Variants in RIC1 observed in about 807,000 individuals in gnomAD.
RIC1 encodes the protein guanine nucleotide exchange factor subunit RIC1.
In RIC1, 88 loss-of-function variants were observed where a neutral mutation model predicts 169.0. That is an observed-to-expected ratio of 0.52 (90% CI 0.44 to 0.62). The LOEUF (loss-of-function observed/expected upper bound fraction) is 0.62, where lower values mean the gene tolerates loss of function less well. Ranked by LOEUF, RIC1 falls within the 20% of genes least tolerant of loss-of-function variation. The pLI is 0.00. For synonymous variants in RIC1, 790 were observed against 601.5 expected (o/e 1.31, Z -4.59); for missense variants, 1,877 against 1,725.5 (o/e 1.09, Z -1.56).
At chr9:5,635,147 C>A (rs930749060) in intron 1 of RIC1, among the ~76,000 whole-genome samples, 6 of 152,020 alleles carry the variant, frequency 3.9e-5, no homozygotes, top group Admixed American at 1.3e-4. Context: ...GCCACCATGC[C>A]TAGTTAATTT....
intron 7 of RIC1, 135 bp downstream of exon 7, chr9:5,732,614 T>C (rs185000727): frequency 5.3e-5 from 27 of 505,574 alleles, no homozygotes; most frequent in African/African-American, 4.8e-4. Context: ...TCAACCTTAA[T>C]ATGAAATGTA....
At chr9:5,638,634 A>G (rs529979900) in intron 1 of RIC1, among the ~76,000 whole-genome samples, 2 of 152,152 alleles carry the variant, frequency 1.3e-5, no homozygotes, top group African/African-American at 4.8e-5. Flanking sequence ...ATAGTTGCTC[A>G]TAGTAGTTTG....
At chr9:5,760,767 G>C (rs534026943) in intron 17 of RIC1, among the ~76,000 whole-genome samples, 14 of 152,280 alleles carry the variant, frequency 9.2e-5, no homozygotes, top group African/African-American at 3.1e-4. Flanking sequence ...TGTAGAATCT[G>C]AAAGCAGTAA....
Position 5,774,044 on chromosome 9 carries a change from C to A in RIC1, c.4070C>A (p.Ala1357Asp), listed in dbSNP as rs974353752. ...ACAGAAGAGCAGGTCCAGCCAGATG[C>A]CTTCCAACCAATAACTATGGGTAAG... is the stretch of plus-strand genomic sequence containing the variant. Reference protein sequence around the residue: ...EITEEQVQPDAFQPITMGKTP... With the variant: ...EITEEQVQPDDFQPITMGKTP... Residue 1357 changes from alanine to aspartate, a missense_variant, in exon 26 of 26, where the codon GCC (alanine) becomes GAC (aspartate). By Grantham distance (126) the Ala-to-Asp change is moderately radical. Around this residue, in one of 3 missense-constraint regions of RIC1, gnomAD observed 681 missense variants for 582.0 expected, o/e 1.17. Coordinates refer to ENST00000414202, the MANE Select transcript of RIC1 (RefSeq NM_020829.4). The A allele has an allele frequency of 2.5e-6, 4 of 1,614,016 alleles. No homozygotes were observed. Among genetic ancestry groups the A allele is most frequent in the Non-Finnish European group, 3.4e-6 (4 of 1,179,954 alleles).
At chr9:5,773,238 T>G in intron 25 of RIC1, 158 bp downstream of exon 25, 1 of 263,844 alleles carries the variant, frequency 3.8e-6, no homozygotes, top group Non-Finnish European at 6.8e-6. Flanking sequence ...TCTTTAGTAA[T>G]CATTCTATAC....
chr9:5,743,833 C>T (rs897972681), intron 10 of RIC1, 96 bp downstream of exon 10: 5 of 918,844 alleles, frequency 5.4e-6, no homozygotes, highest in South Asian at 1.5e-5. Flanking sequence ...TTTTTTGAGA[C>T]AGGGTCTTAC....
At chr9:5,683,428 C>T (rs1443070843) in intron 2 of RIC1, among the ~76,000 whole-genome samples, 1 of 152,182 alleles carries the variant, frequency 6.6e-6, no homozygotes, top group Non-Finnish European at 1.5e-5. Context: ...CGCTGTTTGC[C>T]TGGGTATCAG....
At chr9:5,678,684 T>C (rs1300269699) in intron 2 of RIC1, among the ~76,000 whole-genome samples, 1 of 152,230 alleles carries the variant, frequency 6.6e-6, no homozygotes, top group Non-Finnish European at 1.5e-5. Flanking sequence ...CGCCCACTTT[T>C]TGATGGGGTT....
At chr9:5,687,630 T>A (rs1821329838) in intron 2 of RIC1, among the ~76,000 whole-genome samples, 1 of 152,000 alleles carries the variant, frequency 6.6e-6, no homozygotes, top group Non-Finnish European at 1.5e-5. Flanking sequence ...CTTTCCAGAA[T>A]TTTTTTTATT....
intron 1 of RIC1, among the ~76,000 whole-genome samples, chr9:5,639,070 C>T (rs983461322): frequency 1.1e-4 from 16 of 152,076 alleles, no homozygotes; most frequent in African/African-American, 7.2e-5. Flanking sequence ...TGCATGCCAC[C>T]GTGCCCAGCT....
rs762800394 is a variant in RIC1, at chr9:5,765,418, T to C, written c.2846T>C (p.Met949Thr). 4 of 1,612,994 alleles carry C rather than the reference T, an allele frequency of 2.5e-6. No individual in the cohort carries two copies. The South Asian group carries it at 3.3e-5, about 13-fold the overall frequency. ...TGTCCTGGTTGTTTTTTGTAGAATA[T>C]GGAAGTCCCTGCAGTAAGTAGGCAA... ...AASYLIILQN[M>T]EVPAVSRQHA... Residue 949 changes from methionine (M) to threonine (T), a missense_variant, in exon 20 of 26, where the codon ATG becomes ACG. Physicochemically the swap from Met to Thr is moderately conservative, Grantham distance 81. Transcript: ENST00000414202.
At chr9:5,729,146 G>A (rs1034188524) in intron 6 of RIC1, among the ~76,000 whole-genome samples, 15 of 152,252 alleles carry the variant, frequency 9.9e-5, no homozygotes, top group Middle Eastern at 3.4e-3. Context: ...TTAAGCTAGC[G>A]GGTCCAAATT....
At position 5,747,541 on chromosome 9, in the gene RIC1, C is replaced by A. The variant is rs780780222; in HGVS notation, c.1452+36C>A. The A allele has an allele frequency of 3.3e-4, 495 of 1,511,432 alleles. 1 individual carries two copies. The highest frequency in any genetic ancestry group is 2.0e-5 in the Non-Finnish European group (22 of 1,086,956). 93.6% of individuals were successfully genotyped at this position (1,511,432 alleles called of 1,614,324 possible). ...AGTTACTGATTACTAGAGACTTATT[C>A]TTTGATAGGATATCACCTGGAACAG... On this transcript the variant is annotated intron_variant, in intron 12 of 25. Coordinates refer to ENST00000414202, the MANE Select transcript of RIC1 (RefSeq NM_020829.4).
intron 3 of RIC1, among the ~76,000 whole-genome samples, chr9:5,708,648 A>C (rs1563916894): frequency 6.6e-6 from 1 of 152,080 alleles, no homozygotes; most frequent in African/African-American, 2.4e-5. Context: ...GTATGTGAGG[A>C]GTCACATACA....
Position 5,713,889 on chromosome 9 carries a change from G to A in RIC1, c.333-7G>A, listed in dbSNP as rs377202004. The A allele has an allele frequency of 2.2e-5, 36 of 1,603,564 alleles. No individual in the cohort carries two copies. In the African/African-American group the frequency reaches 4.2e-4, roughly 18 times the overall value. The stretch of plus-strand genomic sequence containing the variant: ...ATCTTTCTTTAACTCTATGCTGTTT[G>A]TTTTAGAGGAAGTCCACAAATGAAG... On this transcript the variant is annotated splice_region_variant and splice_polypyrimidine_tract_variant and intron_variant, in intron 3 of 25. Transcript: ENST00000414202.
Position 5,775,791 on chromosome 9 carries a change from CAAT to C in RIC1, c.*1550_*1552del, listed in dbSNP as rs1331883403. On this transcript the variant is annotated 3_prime_UTR_variant, in exon 26 of 26. Transcript: ENST00000414202. ...TCATTTACTTTTTACATTACAAGTG[CAAT>C]AATATTTCACAAAATGAAACTCCCG... 2 of 152,148 alleles carry C rather than the reference CAAT, an allele frequency of 1.3e-5. No homozygotes were observed. The highest frequency in any genetic ancestry group is 2.4e-5 in the African/African-American group (1 of 41,446). The allele number at this position is 152,148 out of a possible 1,614,324, so 9.4% of individuals were successfully genotyped here.
At chr9:5,769,544 C>A in intron 22 of RIC1, 2 of 1,055,564 alleles carry the variant, frequency 1.9e-6, no homozygotes, top group Non-Finnish European at 2.6e-6. Flanking sequence ...AGCTACCATG[C>A]TTATGTTATT....
chr9:5,766,450 C>G (rs370248597), intron 21 of RIC1, among the ~76,000 whole-genome samples: 3 of 152,096 alleles, frequency 2.0e-5, no homozygotes, highest in South Asian at 4.2e-4. Context: ...ACCCATCACC[C>G]AAGCAGTATA....
At chr9:5,664,624 G>A (rs1819644229) in intron 2 of RIC1, among the ~76,000 whole-genome samples, 1 of 152,068 alleles carries the variant, frequency 6.6e-6, no homozygotes, top group Admixed American at 6.6e-5. Flanking sequence ...TCTTACTGAG[G>A]TTTTCTGCAT....
Sources: allele counts gnomAD v4.1 joint callset (sites outside exome capture counted in the v4.1 genomes callset), GRCh38; gene constraint gnomAD v4.1.1; regional missense constraint gnomAD v4.1.1; transcripts MANE v1.5; gene names NCBI Gene and HGNC (gene_info 2026-07-23, HGNC 2026-07-21).